ADGRG2: variants seen among roughly 807,000 people sequenced by gnomAD.
ADGRG2 encodes the protein adhesion G protein-coupled receptor G2.
In ADGRG2, 26 loss-of-function variants were observed where a neutral mutation model predicts 74.1. The observed-to-expected ratio is 0.35, with a 90% CI of 0.26 to 0.49. ADGRG2 has a LOEUF of 0.49. Ranked by LOEUF, ADGRG2 falls within the 20% of genes least tolerant of loss-of-function variation. The pLI is 0.99. For synonymous variants in ADGRG2, 296 were observed against 295.2 expected (o/e 1.00, Z -0.03); for missense variants, 619 against 763.1 (o/e 0.81, Z 2.22).
intron 12 of ADGRG2, 65 bp downstream of exon 12, chrX:19,023,844 A>C (rs2060643803): frequency 1.3e-6 from 1 of 762,799 alleles, no homozygotes; most frequent in African/African-American, 2.0e-5. Flanking sequence ...GGAATGCAGA[A>C]CCCTATGCTT....
chrX:19,004,633 C>T (rs1205830081), intron 23 of ADGRG2, 125 bp downstream of exon 23: 18 of 608,039 alleles, frequency 3.0e-5, no homozygotes, highest in Non-Finnish European at 4.4e-5. Flanking sequence ...AAAGTTGATA[C>T]ATGGATGCTC....
intron 8 of ADGRG2, 40 bp downstream of exon 8, chrX:19,033,573 T>C: frequency 1.7e-6 from 1 of 600,089 alleles, no homozygotes; most frequent in Non-Finnish European, 2.7e-6. Flanking sequence ...TTTACTTTAG[T>C]TATAAAAAGG....
chrX:19,074,305 C>T (rs955331667), intron 2 of ADGRG2, among the ~76,000 whole-genome samples: 14 of 110,552 alleles, frequency 1.3e-4, no homozygotes, highest in Non-Finnish European at 2.1e-4. Flanking sequence ...AGTGGCATGA[C>T]CACGGTTCAC....
At chrX:19,020,280 G>C (rs956172739) in intron 14 of ADGRG2, among the ~76,000 whole-genome samples, 4 of 111,654 alleles carry the variant, frequency 3.6e-5, no homozygotes, top group Non-Finnish European at 7.5e-5. Flanking sequence ...TTAAATAGTT[G>C]ATATAGCCAT....
At chrX:19,021,710 A>T (rs1198814906) in intron 13 of ADGRG2, among the ~76,000 whole-genome samples, 1 of 110,257 alleles carries the variant, frequency 9.1e-6, no homozygotes, top group Non-Finnish European at 1.9e-5. Context: ...CAGTGGCATG[A>T]TCTCAGCTCA....
chrX:19,006,289 C>T lies in ADGRG2; in HGVS notation c.1690-24G>A, dbSNP rs753638697. 19 of 934,621 alleles carry T rather than the reference C, an allele frequency of 2.0e-5. No homozygotes were observed. The African/African-American group carries it at 2.9e-4, about 14-fold the overall frequency. The allele number at this position is 934,621 out of a possible 1,213,427, so 77.0% of individuals were successfully genotyped here. ...TCCTGTGGTAGAAAGATAAATCACA[C>T]ATAATTAATTTACTGAACTAAAAAA... is the stretch of plus-strand genomic sequence containing the variant. On this transcript the variant is annotated intron_variant, in intron 20 of 28. Transcript: ENST00000379869.
intron 16 of ADGRG2, among the ~76,000 whole-genome samples, chrX:19,011,706 G>A (rs746223205): frequency 8.9e-6 from 1 of 111,738 alleles, no homozygotes; most frequent in East Asian, 2.8e-4. Context: ...TTAGCCACGT[G>A]TGGTGGCATG....
chrX:19,074,638 C>T (rs186362429), intron 2 of ADGRG2, among the ~76,000 whole-genome samples: 68 of 97,729 alleles, frequency 7.0e-4, no homozygotes, highest in African/African-American at 2.0e-3. Context: ...GGCATGATCT[C>T]GGCTCACTGC....
intron 28 of ADGRG2, among the ~76,000 whole-genome samples, chrX:18,991,261 C>T (rs2059918550): frequency 9.0e-6 from 1 of 111,371 alleles, no homozygotes; most frequent in Admixed American, 9.6e-5. Context: ...CTTCAGAAAC[C>T]AGTTCTCTAT....
chrX:19,009,596 TG>T lies in ADGRG2; in HGVS notation c.1422+29del, dbSNP rs751052510. ...GGGACTACAATCACACACAAGAGAATGTTTTTTTCTGCCATCAATTATGATG... is the reference window on the plus strand; with the variant it reads ...GGGACTACAATCACACACAAGAGAATTTTTTTTCTGCCATCAATTATGATG... On this transcript the variant is annotated intron_variant, in intron 18 of 28. Transcript: ENST00000379869. 6.0e-6 allele frequency: 7 copies of T among 1,158,241 alleles called. No individual in the cohort carries two copies. The East Asian group carries it at 9.0e-5, about 15-fold the overall frequency.
chrX:19,030,317 G>A (rs185942218), intron 9 of ADGRG2, among the ~76,000 whole-genome samples: 1 of 112,171 alleles, frequency 8.9e-6, no homozygotes, highest in East Asian at 2.8e-4. Context: ...TAACAAGGAA[G>A]GGAGCCCAGA....
chrX:19,108,244 G>T (rs1027736546), intron 1 of ADGRG2, among the ~76,000 whole-genome samples: 2 of 110,581 alleles, frequency 1.8e-5, no homozygotes, highest in Non-Finnish European at 3.8e-5. Flanking sequence ...AGGCGGGCAG[G>T]TTGCTTGAGG....
At chrX:19,091,074 G>A (rs1293445342) in intron 1 of ADGRG2, among the ~76,000 whole-genome samples, 1 of 111,124 alleles carries the variant, frequency 9.0e-6, no homozygotes, top group Non-Finnish European at 1.9e-5. Flanking sequence ...ATGTGCAAAG[G>A]CACTGTGGCA....
chrX:19,055,152 A>G (rs2061388015), intron 3 of ADGRG2, among the ~76,000 whole-genome samples: 1 of 112,128 alleles, frequency 8.9e-6, no homozygotes, highest in Non-Finnish European at 1.9e-5. Context: ...GTCGAGTCCC[A>G]ACATCAGATG....
chrX:19,071,763 A>T (rs755795517), intron 2 of ADGRG2, among the ~76,000 whole-genome samples: 22 of 110,935 alleles, frequency 2.0e-4, no homozygotes, highest in Admixed American at 1.8e-3. Flanking sequence ...AAGTTTCAAT[A>T]AAAAGTTTAA....
chrX:19,017,431 T>C (rs2060492022), intron 15 of ADGRG2, among the ~76,000 whole-genome samples: 3 of 111,644 alleles, frequency 2.7e-5, no homozygotes, highest in Admixed American at 1.9e-4. Context: ...TCCTGACCCC[T>C]TTTCTATTCC....
chrX:19,049,533 A>G (rs1434669917), intron 3 of ADGRG2, among the ~76,000 whole-genome samples: 1 of 105,697 alleles, frequency 9.5e-6, no homozygotes, highest in East Asian at 2.9e-4. Flanking sequence ...AGAATGCATG[A>G]CCTAGGCAAG....
intron 15 of ADGRG2, among the ~76,000 whole-genome samples, chrX:19,017,541 C>G (rs1021245169): frequency 2.7e-5 from 3 of 112,129 alleles, no homozygotes; most frequent in Admixed American, 9.5e-5. Flanking sequence ...CTTCCAGAAA[C>G]TCTATCCCCA....
intron 4 of ADGRG2, among the ~76,000 whole-genome samples, chrX:19,039,082 C>T (rs1459428599): frequency 3.6e-5 from 4 of 111,442 alleles, no homozygotes; most frequent in East Asian, 2.8e-4. Context: ...CACAACTACC[C>T]GACAACAGCT....
Sources: allele counts gnomAD v4.1 joint callset (sites outside exome capture counted in the v4.1 genomes callset), GRCh38; gene constraint gnomAD v4.1.1; transcripts MANE v1.5; gene names NCBI Gene and HGNC (gene_info 2026-07-23, HGNC 2026-07-21).